Variants in KCNQ5 observed in about 807,000 individuals in gnomAD.
The protein encoded by KCNQ5 is potassium voltage-gated channel subfamily KQT member 5.
A neutral mutation model predicts 98.2 loss-of-function variants in KCNQ5; 30 were observed. That is an observed-to-expected ratio of 0.31 (90% CI 0.23 to 0.41). The LOEUF is 0.41. Ranked by LOEUF, KCNQ5 falls within the 10% of genes least tolerant of loss-of-function variation. The pLI is 1.00. For missense variants in KCNQ5, 835 were observed against 1,182.5 expected, an observed-to-expected ratio of 0.71 and a Z score of 4.31; for synonymous variants, 458 against 449.4, an observed-to-expected ratio of 1.02 and a Z score of -0.24.
At chr6:73,094,349 A>T (rs915726725) in intron 5 of KCNQ5, among the ~76,000 whole-genome samples, 21 of 152,288 alleles carry the variant, frequency 1.4e-4, no homozygotes, top group African/African-American at 4.8e-4. Flanking sequence ...ATTCTTATCA[A>T]TTCTACAATT....
intron 2 of KCNQ5, among the ~76,000 whole-genome samples, chr6:73,013,192 C>T (rs1770162724): frequency 6.6e-6 from 1 of 152,134 alleles, no homozygotes; most frequent in African/African-American, 2.4e-5. Context: ...CTCAGTGGTA[C>T]ACATTCGGCA....
intron 10 of KCNQ5, among the ~76,000 whole-genome samples, chr6:73,146,444 G>GC (rs748112471): frequency 6.6e-6 from 1 of 151,890 alleles, no homozygotes; most frequent in Non-Finnish European, 1.5e-5. Context: ...AGGCAACATG[G>GC]CAAAACCCCA....
At chr6:72,906,013 C>G (rs1779683558) in intron 1 of KCNQ5, among the ~76,000 whole-genome samples, 2 of 151,664 alleles carry the variant, frequency 1.3e-5, no homozygotes, top group African/African-American at 2.4e-5. Context: ...GAAAGACCAT[C>G]AGGTGGGGGC....
In KCNQ5 at chr6:72,787,749, T is replaced by C. The variant is rs569379960; in HGVS notation, c.398+165162T>C. ...GAGTCAGCACTCATCCCTGTTCCTA[T>C]TCACCTCTGTGACCTTGATGTTCCT... is the stretch of plus-strand genomic sequence containing the variant. On this transcript the variant is annotated intron_variant, in intron 1 of 13. Transcript: ENST00000370398. Among the ~76,000 whole-genome samples, 10 of 152,336 alleles carry C rather than the reference T, an allele frequency of 6.6e-5. No individual in the cohort carries two copies. In the East Asian group the frequency reaches 1.9e-3, roughly 29 times the overall value.
At chr6:72,759,291 G>A (rs1772131792) in intron 1 of KCNQ5, among the ~76,000 whole-genome samples, 2 of 152,114 alleles carry the variant, frequency 1.3e-5, no homozygotes, top group African/African-American at 4.8e-5. Flanking sequence ...GAGGTCAAAA[G>A]ACATGAATCT....
chr6:72,970,876 G>A (rs1420160739), intron 1 of KCNQ5, among the ~76,000 whole-genome samples: 1 of 152,114 alleles, frequency 6.6e-6, no homozygotes, highest in East Asian at 1.9e-4. Context: ...TTACATGTTA[G>A]ACCTAAAACC....
intron 1 of KCNQ5, among the ~76,000 whole-genome samples, chr6:72,778,145 A>G (rs1021066937): frequency 5.3e-5 from 8 of 152,234 alleles, no homozygotes; most frequent in Non-Finnish European, 1.5e-5. Context: ...CAGGGTCACC[A>G]GCACTTGAAG....
chr6:72,725,066 A>G (rs1770193486), intron 1 of KCNQ5, among the ~76,000 whole-genome samples: 1 of 152,322 alleles, frequency 6.6e-6, no homozygotes, highest in South Asian at 2.1e-4. Context: ...TTTCTTATGT[A>G]CTAAAGCGAG....
chr6:72,875,975 ACTTTT>A (rs1778390969), intron 1 of KCNQ5, among the ~76,000 whole-genome samples: 1 of 151,726 alleles, frequency 6.6e-6, no homozygotes, highest in Non-Finnish European at 1.5e-5. Flanking sequence ...TGTTTGTGTT[ACTTTT>A]CTTTTTTATA....
Position 72,970,658 on chromosome 6 carries a change from T to C in KCNQ5, c.399-33250T>C, listed in dbSNP as rs555940576. 9.2e-5 allele frequency among the ~76,000 whole-genome samples: 14 copies of C among 152,190 alleles called. No homozygotes were observed. In the East Asian group the frequency reaches 1.2e-3, roughly 13 times the overall value. ...CTGGTACCAAAACAGAGATATAGAC[T>C]AATGGAACAGAACAGAGCCCTCAGA... On this transcript the variant is annotated intron_variant, in intron 1 of 13. Coordinates refer to ENST00000370398, the MANE Select transcript of KCNQ5 (RefSeq NM_019842.4).
intron 1 of KCNQ5, among the ~76,000 whole-genome samples, chr6:72,691,293 A>C (rs1001479625): frequency 2.0e-5 from 3 of 152,224 alleles, no homozygotes; most frequent in Non-Finnish European, 2.9e-5. Flanking sequence ...CCGATTTATA[A>C]ACCCTATGAC....
At chr6:73,143,968 G>T (rs921862424) in intron 10 of KCNQ5, among the ~76,000 whole-genome samples, 5 of 152,290 alleles carry the variant, frequency 3.3e-5, no homozygotes, top group African/African-American at 1.2e-4. Flanking sequence ...GCTGCATGGT[G>T]ATTTTTCCTT....
chr6:72,778,005 A>G (rs1470212478), intron 1 of KCNQ5, among the ~76,000 whole-genome samples: 1 of 152,220 alleles, frequency 6.6e-6, no homozygotes. Flanking sequence ...CTGAAACTCA[A>G]GGAAGGCATG....
chr6:73,008,552 C>T (rs1447202337), intron 2 of KCNQ5, among the ~76,000 whole-genome samples: 1 of 151,794 alleles, frequency 6.6e-6, no homozygotes, highest in Non-Finnish European at 1.5e-5. Flanking sequence ...TTTAATACAA[C>T]AAGAAGATGT....
chr6:73,089,648 A>G (rs1177792958), intron 5 of KCNQ5, among the ~76,000 whole-genome samples: 1 of 152,132 alleles, frequency 6.6e-6, no homozygotes, highest in African/African-American at 2.4e-5. Context: ...CCTATGAGTG[A>G]GAACATAGGA....
intron 1 of KCNQ5, among the ~76,000 whole-genome samples, chr6:72,709,645 T>G (rs1769259406): frequency 6.6e-6 from 1 of 152,226 alleles, no homozygotes; most frequent in Admixed American, 6.5e-5. Context: ...TATTTTTATT[T>G]CATTTAACAA....
At chr6:73,159,467 C>CA (rs1218048185) in intron 10 of KCNQ5, among the ~76,000 whole-genome samples, 4 of 151,880 alleles carry the variant, frequency 2.6e-5, no homozygotes, top group Non-Finnish European at 4.4e-5. Context: ...TCTCATGTAC[C>CA]CCTGAACTTA....
chr6:73,153,821 G>A lies in KCNQ5; in HGVS notation c.1469-15925G>A, dbSNP rs1417482903. On this transcript the variant is annotated intron_variant, in intron 10 of 13. Coordinates refer to ENST00000370398, the MANE Select transcript of KCNQ5 (RefSeq NM_019842.4). ...TCAAGAATGTCATAATACTAAATAA[G>A]TAAAATAAAAAATAATAAAAATAAC... 3.3e-5 allele frequency among the ~76,000 whole-genome samples: 5 copies of A among 150,338 alleles called. No homozygotes were observed. In the East Asian group the frequency reaches 9.7e-4, roughly 29 times the overall value.
chr6:73,155,984 T>C (rs1265538201), intron 10 of KCNQ5, among the ~76,000 whole-genome samples: 3 of 152,204 alleles, frequency 2.0e-5, no homozygotes, highest in Non-Finnish European at 2.9e-5. Flanking sequence ...GAAAAGTCCC[T>C]AGCCAAGGAC....
Sources: gnomAD v4.1 joint callset for allele counts (sites outside exome capture counted in the v4.1 genomes callset) on GRCh38, gnomAD v4.1.1 for gene constraint, MANE v1.5 for transcripts, NCBI Gene and HGNC (gene_info 2026-07-23, HGNC 2026-07-21) for gene names.